SLC19A1: variants seen among roughly 807,000 people sequenced by gnomAD.
SLC19A1 encodes reduced folate transporter.
Under a neutral mutation model 35.3 loss-of-function variants are expected in SLC19A1, and 37 were observed. That is an observed-to-expected ratio of 1.05 (90% confidence interval 0.81 to 1.38). The LOEUF (loss-of-function observed/expected upper bound fraction) is 1.38, where lower values mean the gene tolerates loss of function less well. SLC19A1 is among the 40% of genes most tolerant of loss of function. The probability of loss-of-function intolerance (pLI) is 0.00; values close to 1 mark genes in which losing one functional copy is unlikely to be tolerated. For missense variants in SLC19A1, 831 were observed against 826.9 expected, an observed-to-expected ratio of 1.00 and a Z score of -0.06; for synonymous variants, 460 against 398.5, an observed-to-expected ratio of 1.15 and a Z score of -1.84.
intron 4 of SLC19A1, among the ~76,000 whole-genome samples, chr21:45,526,372 A>G (rs2077620953): frequency 6.6e-6 from 1 of 152,316 alleles, no homozygotes. Flanking sequence ...GATTTTATAT[A>G]ATACCTGACA....
At chr21:45,542,659 C>T (rs1486434835), upstream of SLC19A1, among the ~76,000 whole-genome samples, 1 of 151,500 alleles carries the variant, frequency 6.6e-6, no homozygotes, top group East Asian at 2.0e-4. Flanking sequence ...CGGCCCTACC[C>T]CTGGGGCCGC....
rs576172327 is a variant in SLC19A1 at position 45,553,474 on chromosome 21, A to G, written c.-50+9268T>C. Among the ~76,000 whole-genome samples, 5 of 152,004 alleles carry G rather than the reference A, an allele frequency of 3.3e-5. No individual in the cohort carries two copies. The South Asian group carries it at 8.3e-4, about 25-fold the overall frequency. The stretch of plus-strand genomic sequence containing the variant: ...GTATTTTTTTTGTGGTAAAAGAGAC[A>G]TAAAATGTACCATGTTAACTATTTT... On this transcript the variant is annotated intron_variant, in intron 1 of 5. Coordinates refer to the SLC19A1 transcript ENST00000650808.
At chr21:45,560,831 C>T (rs1015178944) in intron 1 of SLC19A1, among the ~76,000 whole-genome samples, 3 of 152,230 alleles carry the variant, frequency 2.0e-5, no homozygotes, top group Non-Finnish European at 4.4e-5. Context: ...GAGGCCCGAG[C>T]CCCGGAGAAT....
rs749507428 is a variant in SLC19A1 at position 45,505,383 on chromosome 21, C to T, written c.498-6771G>A. 59 of 1,584,936 alleles carry T rather than the reference C, an allele frequency of 3.7e-5. No homozygotes were observed. Among genetic ancestry groups the T allele is most frequent in the Non-Finnish European group, 5.1e-5 (59 of 1,157,776 alleles). ...CTATCAGCGTTCCCGGCCCTCCGGG[C>T]CCCCCTGGGCCCCCTGGGCCCCCTG... On this transcript the variant is annotated intron_variant, in intron 3 of 4. Coordinates refer to the SLC19A1 transcript ENST00000417954.
Position 45,516,320 on chromosome 21 carries a change from C to T in SLC19A1, c.1294-180G>A, listed in dbSNP as rs1229865194. 2.0e-5 allele frequency among the ~76,000 whole-genome samples: 3 copies of T among 152,146 alleles called. 1 individual carries two copies. Among genetic ancestry groups the T allele is most frequent in the African/African-American group, 4.8e-5 (2 of 41,444 alleles). ...GCCACAGTGCTCACCACAGCCCCCCCGACCTCCACCACCTGGCACAGGCCT... is the reference window on the plus strand; with the variant it reads ...GCCACAGTGCTCACCACAGCCCCCCTGACCTCCACCACCTGGCACAGGCCT... On this transcript the variant is annotated intron_variant, in intron 5 of 5. Coordinates refer to ENST00000311124, the MANE Select transcript of SLC19A1 (RefSeq NM_194255.4).
rs186535076 is a variant in SLC19A1, at chr21:45,552,999, C to T, written c.-50+9743G>A. On this transcript the variant is annotated intron_variant, in intron 1 of 5. Coordinates refer to the SLC19A1 transcript ENST00000650808. ...GTGCTCACTTTTACACAAGACCTCG[C>T]GCAATGGAAGCTCTTCCTCCTGGCA... Among the ~76,000 whole-genome samples the T allele has an allele frequency of 8.5e-5, 13 of 152,206 alleles. No individual in the cohort carries two copies. The East Asian group carries it at 1.2e-3, about 14-fold the overall frequency.
downstream of SLC19A1, chr21:45,509,485 C>A (rs375753362): frequency 1.3e-6 from 2 of 1,526,688 alleles, no homozygotes; most frequent in East Asian, 2.4e-5. Context: ...CAGCCCCCCT[C>A]GCCTGCCCGA....
At position 45,534,098 on chromosome 21, in the gene SLC19A1, C is replaced by T. The variant is rs1355120427; in HGVS notation, c.190-1950G>A. Among the ~76,000 whole-genome samples, 3 of 152,274 alleles carry T rather than the reference C, an allele frequency of 2.0e-5. No homozygotes were observed. Among genetic ancestry groups the T allele is most frequent in the Admixed American group, 6.5e-5 (1 of 15,304 alleles). ...GCACTCCGTCCTGCTCAGGACATTC[C>T]GGGACACTCTGAGGGCAGGTTATGT... On this transcript the variant is annotated intron_variant, in intron 2 of 5. Coordinates refer to ENST00000311124, the MANE Select transcript of SLC19A1 (RefSeq NM_194255.4). This position sits in a 1 kb window ranked among gnomAD's most constrained non-coding sequence, Gnocchi z 4.2.
At position 45,529,509 on chromosome 21, in the gene SLC19A1, T is replaced by G. The variant is rs148568269; in HGVS notation, c.1151+1261A>C. 2.2e-4 allele frequency among the ~76,000 whole-genome samples: 34 copies of G among 152,286 alleles called. No homozygotes were observed. The East Asian group carries it at 6.6e-3, about 29-fold the overall frequency. Reference sequence around the variant, plus strand: ...GGCAGGTCCAGGGAGCAGGACCCTGTGAGCACACAGGGTCAGTGTCTGAGT... The same window carrying G: ...GGCAGGTCCAGGGAGCAGGACCCTGGGAGCACACAGGGTCAGTGTCTGAGT... On this transcript the variant is annotated intron_variant, in intron 4 of 5. Coordinates refer to ENST00000311124, the MANE Select transcript of SLC19A1 (RefSeq NM_194255.4).
chr21:45,515,929 A>T lies in SLC19A1; in HGVS notation c.1505T>A (p.Leu502His). ...GGLQPAQSPP[L>H]SPEDSLGAVG... is the part of the protein sequence containing the mutation. ...AGCCCCCAGGCTGTCTTCTGGGGAA[A>T]GCGGCGGGCTCTGGGCTGGCTGCAG... The change falls in exon 6 of 6, where the codon CTT becomes CAT. Residue 502 changes from leucine (L) to histidine (H), a missense_variant. Leu to His is a moderately conservative substitution (Grantham distance 99). Coordinates refer to ENST00000311124, the MANE Select transcript of SLC19A1 (RefSeq NM_194255.4). The T allele has an allele frequency of 6.5e-7, 1 of 1,540,724 alleles. No homozygotes were observed. The highest frequency in any genetic ancestry group is 8.7e-7 in the Non-Finnish European group (1 of 1,143,090).
Position 45,505,294 on chromosome 21 carries a change from G to A in SLC19A1, c.498-6682C>T, listed in dbSNP as rs765445125. 2.1e-5 allele frequency: 34 copies of A among 1,607,024 alleles called. No homozygotes were observed. In the East Asian group the frequency reaches 7.1e-4, roughly 34 times the overall value. On this transcript the variant is annotated intron_variant, in intron 3 of 4. Coordinates refer to the SLC19A1 transcript ENST00000417954. ...CACAGGCAGAGTAAGTCAGTGGGGA[G>A]TGGGCCCCGGGCAGAGGCCGCCTCG...
rs34594751 is a variant in SLC19A1 at position 45,562,129 on chromosome 21, C to CAAAAAAAA, written c.-50+605_-50+612dup. ...CTGGCAACAGATCAAGACTCTGTCT[C>CAAAAAAAA]AAAAAAAAAAAAAAAAAAAGACAAA... On this transcript the variant is annotated intron_variant, in intron 1 of 5. Coordinates refer to the SLC19A1 transcript ENST00000650808. 2.5e-5 allele frequency among the ~76,000 whole-genome samples: 3 copies of CAAAAAAAA among 121,620 alleles called. 1 individual carries two copies. Among genetic ancestry groups the CAAAAAAAA allele is most frequent in the Non-Finnish European group, 3.4e-5 (2 of 59,386 alleles). 79.8% of individuals were successfully genotyped at this position (121,620 alleles called of 152,430 possible).
At chr21:45,546,895 C>A (rs566334713), upstream of SLC19A1, among the ~76,000 whole-genome samples, 2 of 152,228 alleles carry the variant, frequency 1.3e-5, no homozygotes, top group African/African-American at 4.8e-5. Flanking sequence ...GCAAGCTATC[C>A]GAGAAACCTA....
chr21:45,510,519 C>T (rs1264524325), downstream of SLC19A1, among the ~76,000 whole-genome samples: 2 of 152,136 alleles, frequency 1.3e-5, no homozygotes, highest in Non-Finnish European at 2.9e-5. Context: ...TGACCCCCCG[C>T]TCCCCCGGCA....
In SLC19A1 at chr21:45,517,904, G is replaced by A. The variant is rs183831617; in HGVS notation, c.1294-1764C>T. Among the ~76,000 whole-genome samples the A allele has an allele frequency of 3.3e-5, 5 of 151,370 alleles. No homozygotes were observed. Among genetic ancestry groups the A allele is most frequent in the Admixed American group, 2.0e-4 (3 of 15,240 alleles). On this transcript the variant is annotated intron_variant, in intron 5 of 5. Coordinates refer to ENST00000311124, the MANE Select transcript of SLC19A1 (RefSeq NM_194255.4). This position sits in a 1 kb window ranked among gnomAD's most constrained non-coding sequence, Gnocchi z 4.4. ...CTGCCTGTAGCGAGGTGCACACCCC[G>A]CTTGACCTGCAGGAGTTGCGTCAGC... is the stretch of plus-strand genomic sequence containing the variant.
chr21:45,543,413 G>T (rs376962135), upstream of SLC19A1, among the ~76,000 whole-genome samples: 72 of 152,350 alleles, frequency 4.7e-4, no homozygotes, highest in Admixed American at 1.2e-3. Flanking sequence ...GACGGCCACC[G>T]TGGTACCCAC....
downstream of SLC19A1, chr21:45,511,275 AGGCG>A (rs112646272): frequency 2.3e-5 from 25 of 1,068,242 alleles, no homozygotes; most frequent in South Asian, 1.5e-4. Flanking sequence ...CAGCCAGGGA[AGGCG>A]GGCGGGCGGG....
At chr21:45,510,296 C>T (rs760098344), downstream of SLC19A1, 31 of 1,562,524 alleles carry the variant, frequency 2.0e-5, no homozygotes, top group Non-Finnish European at 2.3e-5. Flanking sequence ...GCGGGCTCCT[C>T]GGCCCCCACT....
rs763755468 is a variant in SLC19A1 at position 45,531,380 on chromosome 21, C to T, written c.949+9G>A. On this transcript the variant is annotated intron_variant, in intron 3 of 5. Coordinates refer to ENST00000311124, the MANE Select transcript of SLC19A1 (RefSeq NM_194255.4). ...CGGGAAGAAGCCTCGGGGACCAGGGCATGCGTACCCAGCAGCGTGGAGGCA... is the reference window on the plus strand; with the variant it reads ...CGGGAAGAAGCCTCGGGGACCAGGGTATGCGTACCCAGCAGCGTGGAGGCA... 2 of 1,563,148 alleles carry T rather than the reference C, an allele frequency of 1.3e-6. No individual in the cohort carries two copies. Among genetic ancestry groups the T allele is most frequent in the Non-Finnish European group, 1.7e-6 (2 of 1,153,078 alleles).
Sources: gnomAD v4.1 joint callset for allele counts (sites outside exome capture counted in the v4.1 genomes callset) on GRCh38, gnomAD v4.1.1 for gene constraint, Gnocchi (gnomAD v3.1) non-coding constraint, MANE v1.5 for transcripts, NCBI Gene and HGNC (gene_info 2026-07-23, HGNC 2026-07-21) for gene names.